ARHGAP6: variants seen among roughly 807,000 people sequenced by gnomAD.
ARHGAP6 encodes rho GTPase-activating protein 6.
Under a neutral mutation model 55.7 loss-of-function variants are expected in ARHGAP6, and 16 were observed. The observed-to-expected ratio is 0.29, with a 90% confidence interval of 0.19 to 0.44. The LOEUF is 0.44. ARHGAP6 is among the 20% of genes least tolerant of loss of function. The probability of loss-of-function intolerance (pLI) is 1.00; values close to 1 mark genes in which losing one functional copy is unlikely to be tolerated. For missense variants in ARHGAP6, 698 were observed against 808.9 expected, an observed-to-expected ratio of 0.86 and a Z score of 1.66; for synonymous variants, 382 against 360.9, an observed-to-expected ratio of 1.06 and a Z score of -0.66.
intron 1 of ARHGAP6, among the ~76,000 whole-genome samples, chrX:11,597,599 C>T (rs2051917213): frequency 8.9e-6 from 1 of 112,118 alleles, no homozygotes; most frequent in African/African-American, 3.2e-5. Context: ...TAAGGAATTA[C>T]AGAGTTTATC....
intron 1 of ARHGAP6, among the ~76,000 whole-genome samples, chrX:11,564,369 G>A (rs1185030596): frequency 9.1e-6 from 1 of 110,471 alleles, no homozygotes; most frequent in Non-Finnish European, 1.9e-5. Flanking sequence ...TATTAATAAG[G>A]TATTAAGGAA....
rs756088115 is a variant in ARHGAP6 at position 11,508,219 on chromosome X, C to T, written c.588+156022G>A. ...GCTCTGTTGCTATGATACAATGGTGCGATCATAGCTCACTGCAACCTTGAA... is the reference window on the plus strand; with the variant it reads ...GCTCTGTTGCTATGATACAATGGTGTGATCATAGCTCACTGCAACCTTGAA... On this transcript the variant is annotated intron_variant, in intron 1 of 12. Coordinates refer to ENST00000337414, the MANE Select transcript of ARHGAP6 (RefSeq NM_013427.3). 9.5e-4 allele frequency among the ~76,000 whole-genome samples: 105 copies of T among 110,515 alleles called. 1 individual carries two copies. Among genetic ancestry groups the T allele is most frequent in the Middle Eastern group, 4.6e-3 (1 of 218 alleles).
chrX:11,325,003 C>T (rs1173582050), intron 1 of ARHGAP6, among the ~76,000 whole-genome samples: 4 of 110,840 alleles, frequency 3.6e-5, no homozygotes, highest in African/African-American at 9.9e-5. Context: ...GGACTACAGG[C>T]GCCCGCCACC....
intron 1 of ARHGAP6, among the ~76,000 whole-genome samples, chrX:11,338,159 G>A (rs1327604897): frequency 9.0e-6 from 1 of 111,237 alleles, no homozygotes; most frequent in Non-Finnish European, 1.9e-5. Context: ...CATGCTGACC[G>A]TCAAATGTCA....
chrX:11,626,381 A>G (rs932074796), intron 1 of ARHGAP6, among the ~76,000 whole-genome samples: 1 of 111,788 alleles, frequency 8.9e-6, no homozygotes, highest in African/African-American at 3.2e-5. Context: ...TGTACAGACT[A>G]TTTCAGAAAA....
intron 2 of ARHGAP6, among the ~76,000 whole-genome samples, chrX:11,226,277 T>C (rs2047048523): frequency 9.1e-6 from 1 of 110,180 alleles, no homozygotes; most frequent in African/African-American, 3.3e-5. Context: ...TTGCTGAGAA[T>C]GATGGTTTCC....
chrX:11,546,922 G>C lies in ARHGAP6; in HGVS notation c.588+117319C>G, dbSNP rs900909476. 1.8e-4 allele frequency among the ~76,000 whole-genome samples: 20 copies of C among 111,798 alleles called. 1 individual carries two copies. The highest frequency in any genetic ancestry group is 4.6e-3 in the Middle Eastern group (1 of 219). ...ACCAAATGAGACAGTAAATACAAAGGCTTCGCTTGTTAGTAAAACAGGGCT... is the reference window on the plus strand; with the variant it reads ...ACCAAATGAGACAGTAAATACAAAGCCTTCGCTTGTTAGTAAAACAGGGCT... On this transcript the variant is annotated intron_variant, in intron 1 of 12. Transcript: ENST00000337414.
chrX:11,521,097 A>G, intron 1 of ARHGAP6, among the ~76,000 whole-genome samples: 1 of 111,637 alleles, frequency 9.0e-6, no homozygotes, highest in South Asian at 3.8e-4. Flanking sequence ...ATTTTCTCCC[A>G]TTCTGTAGGT....
At chrX:11,265,736 A>G (rs1273325708) in intron 1 of ARHGAP6, 2 of 917,147 alleles carry the variant, frequency 2.2e-6, no homozygotes, top group African/African-American at 4.3e-5. Flanking sequence ...ATCTAACTGA[A>G]CTAAGCTTGC....
chrX:11,602,336 A>T (rs944762163), intron 1 of ARHGAP6, among the ~76,000 whole-genome samples: 1 of 112,427 alleles, frequency 8.9e-6, no homozygotes, highest in African/African-American at 3.2e-5. Flanking sequence ...CTTAAAAAGC[A>T]GAGGGGTATA....
intron 1 of ARHGAP6, among the ~76,000 whole-genome samples, chrX:11,571,938 T>C (rs1346680896): frequency 9.1e-6 from 1 of 109,507 alleles, no homozygotes; most frequent in Non-Finnish European, 1.9e-5. Flanking sequence ...ATAACAAGGA[T>C]CTGACATACC....
At chrX:11,535,247 C>T (rs2051090497) in intron 1 of ARHGAP6, among the ~76,000 whole-genome samples, 2 of 111,519 alleles carry the variant, frequency 1.8e-5, no homozygotes, top group African/African-American at 6.5e-5. Flanking sequence ...CCCCCATTAC[C>T]CATAGAAGTC....
chrX:11,664,813 G>A lies in ARHGAP6; in HGVS notation c.16C>T (p.Leu6=), dbSNP rs749183414. Reference sequence around the variant, plus strand: ...GAACAGGAGAAGACGCTGTGGAGCAGGCTCTGCGCGGACATCTCGGCGGGG... The same window carrying A: ...GAACAGGAGAAGACGCTGTGGAGCAAGCTCTGCGCGGACATCTCGGCGGGG... MSAQS[L]LHSVFSCSSP... is the part of the protein sequence containing the mutation. The change falls in exon 1 of 13, where the codon CTG becomes TTG. Residue 6 remains leucine, a synonymous_variant. Transcript: ENST00000337414. The A allele has an allele frequency of 8.4e-7, 1 of 1,192,557 alleles. No homozygotes were observed. Among genetic ancestry groups the A allele is most frequent in the Admixed American group, 2.3e-5 (1 of 43,474 alleles).
intron 2 of ARHGAP6, among the ~76,000 whole-genome samples, chrX:11,205,112 G>A (rs1331204160): frequency 1.8e-5 from 2 of 111,933 alleles, no homozygotes; most frequent in African/African-American, 6.5e-5. Flanking sequence ...GACACCCAGT[G>A]TTTTGATGAC....
intron 1 of ARHGAP6, among the ~76,000 whole-genome samples, chrX:11,550,734 T>A (rs993205149): frequency 1.2e-4 from 14 of 112,265 alleles, no homozygotes; most frequent in South Asian, 7.4e-4. Flanking sequence ...TAACTGCATG[T>A]TAATGTAATC....
Position 11,664,262 on chromosome X carries a change from G to A in ARHGAP6, c.567C>T (p.Pro189=), listed in dbSNP as rs2052730105. ...CTACCTCGGATTTCCACACGACGTAGGGGTGCCCGCGACTGTCGGGTGGGG... is the reference window on the plus strand; with the variant it reads ...CTACCTCGGATTTCCACACGACGTAAGGGTGCCCGCGACTGTCGGGTGGGG... ...FQSPPDSRGH[P]YVVWKSEGDF... The change falls in exon 1 of 13, where the codon CCC becomes CCT. Residue 189 remains proline, a synonymous_variant. Transcript: ENST00000337414. 2.5e-6 allele frequency: 3 copies of A among 1,210,068 alleles called. No individual in the cohort carries two copies. Among genetic ancestry groups the A allele is most frequent in the Non-Finnish European group, 2.2e-6 (2 of 894,482 alleles).
chrX:11,603,361 C>T (rs1042716791), intron 1 of ARHGAP6, among the ~76,000 whole-genome samples: 1 of 111,753 alleles, frequency 8.9e-6, no homozygotes, highest in Admixed American at 9.5e-5. Context: ...ATTAACAGAG[C>T]TTCAATGTGA....
chrX:11,520,453 T>C (rs1226480344), intron 1 of ARHGAP6, among the ~76,000 whole-genome samples: 6 of 108,106 alleles, frequency 5.6e-5, no homozygotes, highest in African/African-American at 2.0e-4. Context: ...AGAATGATGG[T>C]TTCCAGCTTC....
At chrX:11,462,553 G>A (rs764564216) in intron 1 of ARHGAP6, among the ~76,000 whole-genome samples, 40 of 112,216 alleles carry the variant, frequency 3.6e-4, no homozygotes, top group Non-Finnish European at 6.2e-4. Context: ...GTAGTTTAAT[G>A]ACTCAATCAA....
Sources: allele counts gnomAD v4.1 joint callset (sites outside exome capture counted in the v4.1 genomes callset), GRCh38; gene constraint gnomAD v4.1.1; transcripts MANE v1.5; gene names NCBI Gene and HGNC (gene_info 2026-07-23, HGNC 2026-07-21).